The following AXIN1 variants were observed in gnomAD, a reference collection of about 807,000 sequenced individuals.
The protein encoded by AXIN1 is axin-1.
In AXIN1, 30 loss-of-function variants were observed where a neutral mutation model predicts 76.4. The ratio of observed to expected loss-of-function variants is 0.39; its 90% CI spans 0.29 to 0.53. The LOEUF (loss-of-function observed/expected upper bound fraction) is 0.53. AXIN1 is among the 20% of genes least tolerant of loss of function. AXIN1 has a pLI of 0.66. For synonymous variants in AXIN1, 545 were observed against 501.4 expected (o/e 1.09, Z -1.16); for missense variants, 1,140 against 1,198.8 (o/e 0.95, Z 0.72).
chr16:347,751 A>G (rs1051330761), intron 1 of AXIN1, among the ~76,000 whole-genome samples: 3 of 152,196 alleles, frequency 2.0e-5, no homozygotes, highest in African/African-American at 7.2e-5. Flanking sequence ...AAAGAGAGAT[A>G]ATCATGGGTC....
intron 2 of AXIN1, among the ~76,000 whole-genome samples, chr16:328,381 A>G (rs1310851686): frequency 1.3e-5 from 2 of 151,916 alleles, no homozygotes; most frequent in Non-Finnish European, 2.9e-5. Context: ...TAACACAGCA[A>G]GACTCTGTCA....
intron 2 of AXIN1, among the ~76,000 whole-genome samples, chr16:332,924 C>T (rs946447960): frequency 1.3e-5 from 2 of 152,246 alleles, no homozygotes; most frequent in African/African-American, 4.8e-5. Flanking sequence ...ATGGCTCACA[C>T]CTGCAATTTC....
Position 346,607 on chromosome 16 carries a change from A to G in AXIN1, c.419T>C (p.Leu140Pro). 6.2e-7 allele frequency: 1 copy of G among 1,601,498 alleles called. No individual in the cohort carries two copies. Among genetic ancestry groups the G allele is most frequent in the Non-Finnish European group, 8.5e-7 (1 of 1,172,274 alleles). The change falls in exon 2 of 11, where the codon CTG becomes CCG. Residue 140 changes from leucine to proline, a missense_variant. By Grantham distance (98) the Leu-to-Pro change is moderately conservative. Around this residue, in one of 3 missense-constraint regions of AXIN1, gnomAD observed 708 missense variants for 776.9 expected, o/e 0.91. Coordinates refer to ENST00000262320, the MANE Select transcript of AXIN1 (RefSeq NM_003502.4). ...CDSNEEKRLK[L>P]ARAIYRKYIL... Reference sequence around the variant, plus strand: ...GTACTTTCGGTAGATGGCTCTCGCCAGCTTCAGCCTCTTCTCCTCGTTCGA... The same window carrying G: ...GTACTTTCGGTAGATGGCTCTCGCCGGCTTCAGCCTCTTCTCCTCGTTCGA...
chr16:349,007 A>C (rs547576585), intron 1 of AXIN1, among the ~76,000 whole-genome samples: 1 of 152,124 alleles, frequency 6.6e-6, no homozygotes, highest in South Asian at 2.1e-4. Context: ...CTGACGTGGG[A>C]GAATGGCATG....
intron 8 of AXIN1, chr16:291,670 G>A (rs1045829777): frequency 5.8e-5 from 21 of 361,918 alleles, no homozygotes; most frequent in African/African-American, 8.5e-5. Flanking sequence ...CACCGATAGC[G>A]TGGACACTGG....
chr16:331,385 C>T (rs1218860724), intron 2 of AXIN1, among the ~76,000 whole-genome samples: 1 of 152,128 alleles, frequency 6.6e-6, no homozygotes, highest in Non-Finnish European at 1.5e-5. Context: ...AGCTCATGGA[C>T]GTCCCTAACA....
chr16:296,967 A>G, intron 7 of AXIN1, 89 bp downstream of exon 7: 1 of 1,480,276 alleles, frequency 6.8e-7, no homozygotes, highest in Non-Finnish European at 9.3e-7. Flanking sequence ...CACTCGCCAC[A>G]CACACTGAAG....
intron 9 of AXIN1, chr16:290,793 C>A: frequency 2.7e-6 from 1 of 366,042 alleles, no homozygotes; most frequent in Non-Finnish European, 5.3e-6. Context: ...AGACGCACCC[C>A]GGGCACCTCA....
chr16:336,361 T>G (rs2053802831), intron 2 of AXIN1, among the ~76,000 whole-genome samples: 1 of 152,172 alleles, frequency 6.6e-6, no homozygotes, highest in South Asian at 2.1e-4. Context: ...GGACACAAGA[T>G]AGCAGTGAGC....
intron 1 of AXIN1, among the ~76,000 whole-genome samples, chr16:351,758 A>G (rs1459461376): frequency 6.6e-6 from 1 of 151,926 alleles, no homozygotes; most frequent in African/African-American, 2.4e-5. Flanking sequence ...ATATATATAT[A>G]TATATCTTAT....
chr16:330,290 C>A (rs2053668445), intron 2 of AXIN1, among the ~76,000 whole-genome samples: 1 of 151,636 alleles, frequency 6.6e-6, no homozygotes, highest in Non-Finnish European at 1.5e-5. Context: ...TCTCAAAATC[C>A]TGGGCTCAAG....
intron 3 of AXIN1, 79 bp downstream of exon 3, chr16:314,464 T>A (rs2141591494): frequency 6.3e-7 from 1 of 1,597,142 alleles, no homozygotes; most frequent in East Asian, 2.2e-5. Flanking sequence ...CACATTGCTG[T>A]CCTCAAGGGA....
chr16:323,557 G>A (rs2053511247), intron 2 of AXIN1, among the ~76,000 whole-genome samples: 1 of 151,242 alleles, frequency 6.6e-6, no homozygotes, highest in African/African-American at 2.4e-5. Flanking sequence ...CGAGGCGGGT[G>A]GATCACAAGG....
At chr16:315,296 T>C (rs1478234115) in intron 2 of AXIN1, among the ~76,000 whole-genome samples, 1 of 152,238 alleles carries the variant, frequency 6.6e-6, no homozygotes, top group Non-Finnish European at 1.5e-5. Flanking sequence ...CCCTGATTAA[T>C]GGTCAGATTG....
At chr16:321,320 C>T (rs1354363185) in intron 2 of AXIN1, among the ~76,000 whole-genome samples, 1 of 134,468 alleles carries the variant, frequency 7.4e-6, no homozygotes, top group Non-Finnish European at 1.6e-5. Context: ...CCACATGGCA[C>T]CTGCTGGTGA....
chr16:330,885 G>A (rs1195760183), intron 2 of AXIN1, among the ~76,000 whole-genome samples: 2 of 152,228 alleles, frequency 1.3e-5, no homozygotes, highest in East Asian at 3.8e-4. Context: ...ACATTTGGAA[G>A]TGGCAATTCC....
intron 2 of AXIN1, among the ~76,000 whole-genome samples, chr16:325,490 G>A (rs1283607340): frequency 6.6e-6 from 1 of 152,208 alleles, no homozygotes; most frequent in Non-Finnish European, 1.5e-5. Context: ...TTCCCAGCGG[G>A]CAGAGTTGAC....
chr16:311,388 A>G (rs949079353), intron 3 of AXIN1, among the ~76,000 whole-genome samples: 1 of 152,150 alleles, frequency 6.6e-6, no homozygotes, highest in Non-Finnish European at 1.5e-5. Context: ...AAGTCAGATT[A>G]TACATGGTCT....
intron 2 of AXIN1, among the ~76,000 whole-genome samples, chr16:331,015 C>T (rs964527285): frequency 6.6e-6 from 1 of 152,216 alleles, no homozygotes; most frequent in African/African-American, 2.4e-5. Context: ...GCAAGTCTCA[C>T]GCCAGCCTCA....
Sources: gnomAD v4.1 joint callset for allele counts (sites outside exome capture counted in the v4.1 genomes callset) on GRCh38, gnomAD v4.1.1 for gene constraint, gnomAD v4.1.1 regional missense constraint, MANE v1.5 for transcripts, NCBI Gene and HGNC (gene_info 2026-07-23, HGNC 2026-07-21) for gene names.